The following PTPRN2 variants were observed in gnomAD, a reference collection of about 807,000 sequenced individuals.
PTPRN2 encodes the protein protein tyrosine phosphatase receptor type N2, also known as receptor-type tyrosine-protein phosphatase N2.
PTPRN2 carries 74 observed loss-of-function variants against 118.8 expected under a neutral mutation model. The ratio of observed to expected loss-of-function variants is 0.62; its 90% CI spans 0.52 to 0.76. The LOEUF (loss-of-function observed/expected upper bound fraction) is 0.76. Ranked by LOEUF, PTPRN2 falls within the 30% of genes least tolerant of loss-of-function variation. The probability of loss-of-function intolerance (pLI) is 0.00; values close to 1 mark genes in which losing one functional copy is unlikely to be tolerated. For missense variants in PTPRN2, 1,481 were observed against 1,394.4 expected (o/e 1.06, Z -0.99); for synonymous variants, 641 against 608.0 (o/e 1.05, Z -0.80).
Position 157,615,873 on chromosome 7 carries a change from A to C in PTPRN2, c.2344+5489T>G. 3.0e-6 allele frequency: 1 copy of C among 334,810 alleles called. No homozygotes were observed. Among genetic ancestry groups the C allele is most frequent in the Non-Finnish European group, 5.9e-6 (1 of 170,078 alleles). The allele number at this position is 334,810 out of a possible 1,614,324, so 20.7% of individuals were successfully genotyped here. On this transcript the variant is annotated intron_variant, in intron 15 of 22. Coordinates refer to ENST00000389418, the MANE Select transcript of PTPRN2 (RefSeq NM_002847.5). The surrounding 1 kb of genome is among the most constrained non-coding windows in gnomAD (Gnocchi z 4.3). ...CTCCACCGAAGACCTTAAGGAAAAG[A>C]CTCTGGATGTTAGTGGGTTCGGCCT...
At chr7:157,766,145 C>A (rs566987393) in intron 12 of PTPRN2, among the ~76,000 whole-genome samples, 1 of 149,260 alleles carries the variant, frequency 6.7e-6, no homozygotes, top group Admixed American at 6.7e-5. Flanking sequence ...CCATCATCCA[C>A]TCTTCTTCCA....
chr7:158,575,098 T>C (rs117828290), intron 1 of PTPRN2, among the ~76,000 whole-genome samples: 2,213 of 152,380 alleles, frequency 0.015, 22 homozygotes, highest in Non-Finnish European at 0.022. Context: ...TGGAACATGC[T>C]AACAATATAC....
rs146754060 is a variant in PTPRN2, at chr7:158,192,680, C to T, written c.381-185G>A. ...CGGGCCCCCGAGCCTGTGTCCTGCA[C>T]GAGGATGGCTAACAGCACCTGCCTC... On this transcript the variant is annotated intron_variant, in intron 4 of 22. Transcript: ENST00000389418. 2.8e-4 allele frequency among the ~76,000 whole-genome samples: 43 copies of T among 152,204 alleles called. No homozygotes were observed. The East Asian group carries it at 7.4e-3, about 26-fold the overall frequency.
intron 12 of PTPRN2, among the ~76,000 whole-genome samples, chr7:157,819,222 C>T (rs775245853): frequency 3.9e-5 from 6 of 152,186 alleles, no homozygotes; most frequent in Admixed American, 2.6e-4. Flanking sequence ...CCCAGGGACG[C>T]GCTCATTTGG....
chr7:158,441,284 GGTGGTGGTGATGGTGATAGTA>G (rs1817139049), intron 2 of PTPRN2, among the ~76,000 whole-genome samples: 1 of 98,358 alleles, frequency 1.0e-5, no homozygotes, highest in Non-Finnish European at 2.5e-5. Context: ...TGGTGATGGT[GGTGGTGGTGATGGTGATAGTA>G]ATGGTGATGG....
Position 158,429,791 on chromosome 7 carries a change from C to T in PTPRN2, c.163+59944G>A, listed in dbSNP as rs78534560. ...GCAGGAGTGGGTTTCCATAACAGGC[C>T]ATGGATGGTGAGCTAATGGCCTGAA... On this transcript the variant is annotated intron_variant, in intron 2 of 22. Transcript: ENST00000389418. Among the ~76,000 whole-genome samples, 797 of 152,338 alleles carry T rather than the reference C, an allele frequency of 5.2e-3. 8 individuals carry two copies. Among genetic ancestry groups the T allele is most frequent in the African/African-American group, 0.018 (741 of 41,570 alleles).
intron 2 of PTPRN2, among the ~76,000 whole-genome samples, chr7:158,489,264 G>T (rs896833347): frequency 3.3e-5 from 5 of 152,180 alleles, no homozygotes; most frequent in African/African-American, 1.2e-4. Flanking sequence ...TGGCCAACAT[G>T]GTGAAACCCT....
At chr7:158,052,178 A>T (rs750812916) in intron 11 of PTPRN2, among the ~76,000 whole-genome samples, 17 of 152,232 alleles carry the variant, frequency 1.1e-4, no homozygotes, top group Non-Finnish European at 2.5e-4. Context: ...TTAATATGGC[A>T]ATGACTTCTA....
chr7:157,640,126 T>A (rs1031065202), intron 14 of PTPRN2, among the ~76,000 whole-genome samples: 3 of 152,222 alleles, frequency 2.0e-5, no homozygotes, highest in South Asian at 2.1e-4. Flanking sequence ...CTTAGACCCA[T>A]GAGACCTTAA....
At chr7:158,537,179 A>G (rs764085382) in intron 1 of PTPRN2, among the ~76,000 whole-genome samples, 2 of 152,040 alleles carry the variant, frequency 1.3e-5, no homozygotes, top group Admixed American at 1.3e-4. Flanking sequence ...GCCTCCAGAA[A>G]TGTGAAAAAT....
At chr7:158,021,707 G>A (rs2128876496) in intron 11 of PTPRN2, among the ~76,000 whole-genome samples, 1 of 152,214 alleles carries the variant, frequency 6.6e-6, no homozygotes, top group Non-Finnish European at 1.5e-5. Context: ...CTCGGGAGGA[G>A]CAGCCCTGCC....
At chr7:157,980,506 C>T (rs1405975723) in intron 11 of PTPRN2, among the ~76,000 whole-genome samples, 4 of 152,222 alleles carry the variant, frequency 2.6e-5, no homozygotes, top group Admixed American at 2.0e-4. Flanking sequence ...CATCCCAGCA[C>T]TTTGGGAGGC....
chr7:157,782,869 G>A (rs1803767670), intron 12 of PTPRN2, among the ~76,000 whole-genome samples: 1 of 152,194 alleles, frequency 6.6e-6, no homozygotes, highest in East Asian at 1.9e-4. Context: ...TGCTTGACTC[G>A]GGGAGCCTTG....
At chr7:157,773,323 A>T (rs1476931161) in intron 12 of PTPRN2, among the ~76,000 whole-genome samples, 6 of 152,118 alleles carry the variant, frequency 3.9e-5, no homozygotes, top group African/African-American at 1.2e-4. Context: ...TGTGAGTGGG[A>T]GTCATGCCTA....
intron 17 of PTPRN2, among the ~76,000 whole-genome samples, chr7:157,578,575 G>T (rs1370336597): frequency 6.6e-6 from 1 of 152,202 alleles, no homozygotes; most frequent in Non-Finnish European, 1.5e-5. Flanking sequence ...AGCAGCCTCC[G>T]AAAGGCTTCT....
intron 11 of PTPRN2, among the ~76,000 whole-genome samples, chr7:157,970,313 C>A (rs574303768): frequency 2.6e-4 from 39 of 152,340 alleles, no homozygotes; most frequent in Non-Finnish European, 8.8e-5. Flanking sequence ...TAGAAAGCAT[C>A]GTGGAAGCAA....
chr7:158,215,589 C>T (rs1415166855), intron 3 of PTPRN2, among the ~76,000 whole-genome samples: 5 of 152,078 alleles, frequency 3.3e-5, no homozygotes. Context: ...TTTCTGAAAA[C>T]TTACAAAGAA....
At chr7:157,687,921 G>A (rs1002331412) in intron 12 of PTPRN2, among the ~76,000 whole-genome samples, 1 of 152,156 alleles carries the variant, frequency 6.6e-6, no homozygotes, top group Non-Finnish European at 1.5e-5. Flanking sequence ...GAAGTCAGGC[G>A]GAAATAATCA....
chr7:157,558,508 C>A (rs1799019554), intron 21 of PTPRN2, among the ~76,000 whole-genome samples: 1 of 152,270 alleles, frequency 6.6e-6, no homozygotes, highest in Admixed American at 6.5e-5. Flanking sequence ...GAGTAACAAT[C>A]ACACCAAATT....
Sources: allele counts gnomAD v4.1 joint callset (sites outside exome capture counted in the v4.1 genomes callset), GRCh38; gene constraint gnomAD v4.1.1; non-coding constraint Gnocchi (gnomAD v3.1); transcripts MANE v1.5; gene names NCBI Gene and HGNC (gene_info 2026-07-23, HGNC 2026-07-21).